CHD5: variants seen among roughly 807,000 people sequenced by gnomAD.
CHD5 encodes the protein ATP-dependent chromatin remodeler CHD5.
CHD5 carries 69 observed loss-of-function variants against 230.3 expected under a neutral mutation model. The observed-to-expected ratio is 0.30, with a 90% CI of 0.25 to 0.37. The LOEUF (loss-of-function observed/expected upper bound fraction) is 0.37, where lower values mean the gene tolerates loss of function less well. CHD5 is among the 10% of genes least tolerant of loss of function. The pLI is 1.00. For missense variants in CHD5, 1,827 were observed against 2,622.8 expected (o/e 0.70, Z 6.63); for synonymous variants, 1,064 against 1,065.9 (o/e 1.00, Z 0.03).
At chr1:6,161,787 G>GT (rs553586397) in intron 2 of CHD5, among the ~76,000 whole-genome samples, 2 of 152,334 alleles carry the variant, frequency 1.3e-5, no homozygotes, top group East Asian at 3.9e-4. Flanking sequence ...CCCAGCAAAG[G>GT]TAAGGACAAG....
At chr1:6,147,227 G>C (rs1391899392) in intron 9 of CHD5, among the ~76,000 whole-genome samples, 2 of 152,204 alleles carry the variant, frequency 1.3e-5, no homozygotes. Flanking sequence ...CAGAACATGA[G>C]ATTCTGGACT....
rs1011683490 is a variant in CHD5, at chr1:6,143,827, A to G, written c.2039T>C (p.Val680Ala). The part of the protein sequence containing the change: ...KQEKPPDTPI[V>A]DPTVKFDKQP... Reference sequence around the variant, plus strand: ...TGCCCCACCCTCCCCACTCACGTCCACAATGGGCGTGTCCGGCGGCTTCTC... The same window carrying G: ...TGCCCCACCCTCCCCACTCACGTCCGCAATGGGCGTGTCCGGCGGCTTCTC... The change falls in exon 13 of 42, where the codon GTG becomes GCG. Residue 680 changes from valine (V) to alanine (A), a missense_variant. Around this residue, in one of 14 missense-constraint regions of CHD5, gnomAD observed 657 missense variants for 816.4 expected, o/e 0.80. Transcript: ENST00000262450. 1 of 1,586,362 alleles carries G rather than the reference A, an allele frequency of 6.3e-7. No individual in the cohort carries two copies. Among genetic ancestry groups the G allele is most frequent in the Non-Finnish European group, 8.6e-7 (1 of 1,165,070 alleles).
At chr1:6,159,553 C>T (rs772624164) in intron 2 of CHD5, 38 bp from the exon 3 acceptor site, 2 of 1,559,288 alleles carry the variant, frequency 1.3e-6, no homozygotes, top group East Asian at 2.3e-5. Flanking sequence ...AACAGAGGCC[C>T]CAGGAACATC....
rs931723430 is a variant in CHD5, at chr1:6,154,481, G to A, written c.745+179C>T. Among the ~76,000 whole-genome samples the A allele has an allele frequency of 2.0e-5, 3 of 152,166 alleles. No individual in the cohort carries two copies. The highest frequency in any genetic ancestry group is 1.9e-4 in the East Asian group (1 of 5,180). ...GGGAGTCAGGCACAAAAGAGGCGAC[G>A]ATGCTGCCTCACTGCTGAGAAAGGA... On this transcript the variant is annotated intron_variant, in intron 5 of 41. Coordinates refer to ENST00000262450, the MANE Select transcript of CHD5 (RefSeq NM_015557.3). The surrounding 1 kb of genome is among the most constrained non-coding windows in gnomAD (Gnocchi z 7.0).
chr1:6,130,418 C>T lies in CHD5; in HGVS notation c.3263-90G>A, dbSNP rs1178195574. The stretch of plus-strand genomic sequence containing the variant: ...TGGGGGAGAGAACAGAGAGAAGGAA[C>T]TGCAGCAACAGATCCCTGGCAGAGA... On this transcript the variant is annotated intron_variant, in intron 21 of 41. Transcript: ENST00000262450. The surrounding 1 kb of genome is among the most constrained non-coding windows in gnomAD (Gnocchi z 4.9). 1 of 1,194,680 alleles carries T rather than the reference C, an allele frequency of 8.4e-7. No homozygotes were observed. The highest frequency in any genetic ancestry group is 1.2e-6 in the Non-Finnish European group (1 of 837,276). 74.0% of individuals were successfully genotyped at this position (1,194,680 alleles called of 1,614,324 possible).
In CHD5 at chr1:6,125,317, G is replaced by A; in HGVS notation, c.4261-84C>T. 5 of 1,421,350 alleles carry A rather than the reference G, an allele frequency of 3.5e-6. No homozygotes were observed. 88.0% of individuals were successfully genotyped at this position (1,421,350 alleles called of 1,614,324 possible). ...TTCTGGGATGGGGGAAGAAAAGCATGGGAGGAGGAGAAGGTAGGAAGGGGG... is the reference window on the plus strand; with the variant it reads ...TTCTGGGATGGGGGAAGAAAAGCATAGGAGGAGGAGAAGGTAGGAAGGGGG... On this transcript the variant is annotated intron_variant, in intron 28 of 41. Transcript: ENST00000262450. The surrounding 1 kb of genome is among the most constrained non-coding windows in gnomAD (Gnocchi z 6.7).
intron 2 of CHD5, among the ~76,000 whole-genome samples, chr1:6,165,084 G>A (rs982390141): frequency 1.3e-5 from 2 of 152,130 alleles, no homozygotes; most frequent in Non-Finnish European, 2.9e-5. Context: ...AGAAAGAAGC[G>A]GGAGGGAAGA....
intron 11 of CHD5, among the ~76,000 whole-genome samples, chr1:6,144,564 T>C (rs1047758369): frequency 6.6e-6 from 1 of 152,224 alleles, no homozygotes; most frequent in Admixed American, 6.5e-5. Context: ...AAAGGACTTG[T>C]GCAGTGCCCA....
chr1:6,145,892 C>T (rs574895163), intron 11 of CHD5, among the ~76,000 whole-genome samples: 10 of 152,226 alleles, frequency 6.6e-5, no homozygotes, highest in Non-Finnish European at 1.3e-4. Context: ...TCCCACACCT[C>T]GGGCGTCCCT....
Position 6,128,791 on chromosome 1 carries a change from C to T in CHD5, c.3619+47G>A, listed in dbSNP as rs780163095. 9.8e-6 allele frequency: 15 copies of T among 1,526,244 alleles called. No individual in the cohort carries two copies. Among genetic ancestry groups the T allele is most frequent in the Middle Eastern group, 1.7e-4 (1 of 5,792 alleles). 94.5% of individuals were successfully genotyped at this position (1,526,244 alleles called of 1,614,324 possible). On this transcript the variant is annotated intron_variant, in intron 23 of 41. Coordinates refer to ENST00000262450, the MANE Select transcript of CHD5 (RefSeq NM_015557.3). The surrounding 1 kb of genome is among the most constrained non-coding windows in gnomAD (Gnocchi z 7.8). ...GCAAGCCCTGGATGGGTGTCTCAGC[C>T]GGGCCACCCCAGTCCCCTGCCACGC...
rs1410918223 is a variant in CHD5, at chr1:6,121,511, G to T, written c.4762C>A (p.Gln1588Lys). ...EKDPGAQKPR[Q>K]PLEVQALPAA... ...TTCCACACCTGGACTTCCAGGGGCT[G>T]CCTTGGCTTCTGTGCCCCGGGGTCT... Residue 1588 changes from glutamine to lysine, a missense_variant, in exon 32 of 42, where the codon CAG (glutamine) becomes AAG (lysine). Physicochemically the swap from Gln to Lys is moderately conservative, Grantham distance 53 (BLOSUM62 1). Coordinates refer to ENST00000262450, the MANE Select transcript of CHD5 (RefSeq NM_015557.3). The surrounding 1 kb of genome is among the most constrained non-coding windows in gnomAD (Gnocchi z 4.5). 8.1e-6 allele frequency: 13 copies of T among 1,612,438 alleles called. No homozygotes were observed. Among genetic ancestry groups the T allele is most frequent in the Non-Finnish European group, 1.1e-5 (13 of 1,179,260 alleles).
Position 6,180,031 on chromosome 1 carries a change from G to A in CHD5, c.-8C>T, listed in dbSNP as rs1557569044. The stretch of plus-strand genomic sequence containing the variant: ...GCCCACTGGGCCCCGCATGCCCGGC[G>A]CGGGGAGGAGGGGAGGTGGGCGCCC... On this transcript the variant is annotated 5_prime_UTR_variant, in exon 1 of 42. Coordinates refer to ENST00000262450, the MANE Select transcript of CHD5 (RefSeq NM_015557.3). 4.6e-6 allele frequency: 6 copies of A among 1,318,372 alleles called. No homozygotes were observed. Among genetic ancestry groups the A allele is most frequent in the Non-Finnish European group, 2.0e-6 (2 of 1,018,490 alleles). The allele number at this position is 1,318,372 out of a possible 1,614,324, so 81.7% of individuals were successfully genotyped here.
At position 6,146,476 on chromosome 1, in the gene CHD5, G is replaced by C; in HGVS notation, c.1591-53C>G. On this transcript the variant is annotated intron_variant, in intron 10 of 41. Coordinates refer to ENST00000262450, the MANE Select transcript of CHD5 (RefSeq NM_015557.3). This position sits in a 1 kb window ranked among gnomAD's most constrained non-coding sequence, Gnocchi z 5.1. ...GAAGGGAGATGGGCCATGGTCCCCT[G>C]CATCTCCCTACCCAGCTCCTCTAGC... 1 of 1,542,976 alleles carries C rather than the reference G, an allele frequency of 6.5e-7. No homozygotes were observed. Among genetic ancestry groups the C allele is most frequent in the East Asian group, 2.3e-5 (1 of 44,398 alleles).
chr1:6,133,844 A>T (rs535760084), intron 20 of CHD5, among the ~76,000 whole-genome samples: 1 of 152,136 alleles, frequency 6.6e-6, no homozygotes, highest in Admixed American at 6.5e-5. Context: ...GCTGCGGGGG[A>T]GAGGGCCAGG....
At chr1:6,159,665 AC>A (rs1362237632) in intron 2 of CHD5, 150 bp from the exon 3 acceptor site, 1 of 686,360 alleles carries the variant, frequency 1.5e-6, no homozygotes, top group African/African-American at 1.8e-5. Flanking sequence ...GCCACTGCTC[AC>A]AGCTCAGCCC....
chr1:6,180,068 G>A lies in CHD5; in HGVS notation c.-45C>T, dbSNP rs556851118. ...GGAGGTGGGCGCCCCCCCTCCCGCC[G>A]GGCGCGGTGCCAGCCTTAACCCGTG... On this transcript the variant is annotated 5_prime_UTR_variant, in exon 1 of 42. Coordinates refer to ENST00000262450, the MANE Select transcript of CHD5 (RefSeq NM_015557.3). 1,488 of 1,118,492 alleles carry A rather than the reference G, an allele frequency of 1.3e-3. 20 individuals carry two copies. The African/African-American group carries it at 0.023, about 17-fold the overall frequency. 69.3% of individuals were successfully genotyped at this position (1,118,492 alleles called of 1,614,324 possible).
chr1:6,123,698 G>C lies in CHD5; in HGVS notation c.4699+250C>G, dbSNP rs534826598. ...CCGCCTCAGCCTCCTAAAGTGCTGT[G>C]ATTAACAGGTGTGAGCCACCGCGCC... On this transcript the variant is annotated intron_variant, in intron 31 of 41. Coordinates refer to ENST00000262450, the MANE Select transcript of CHD5 (RefSeq NM_015557.3). 1.0e-4 allele frequency among the ~76,000 whole-genome samples: 5 copies of C among 49,250 alleles called. No individual in the cohort carries two copies. The South Asian group carries it at 3.2e-3, about 31-fold the overall frequency. The allele number at this position is 49,250 out of a possible 152,430, so 32.3% of individuals were successfully genotyped here.
At position 6,124,477 on chromosome 1, in the gene CHD5, C is replaced by A. The variant is rs766760072; in HGVS notation, c.4539+40G>T. On this transcript the variant is annotated intron_variant, in intron 30 of 41. Coordinates refer to ENST00000262450, the MANE Select transcript of CHD5 (RefSeq NM_015557.3). ...CAAGGGACAGCACCAGGAGCCCAGGCAGCCACCAGGAAGGGCCCTACAGAG... is the reference window on the plus strand; with the variant it reads ...CAAGGGACAGCACCAGGAGCCCAGGAAGCCACCAGGAAGGGCCCTACAGAG... 2.5e-6 allele frequency: 4 copies of A among 1,611,412 alleles called. No homozygotes were observed. The South Asian group carries it at 4.4e-5, about 18-fold the overall frequency.
At chr1:6,127,515 C>T (rs565682747) in intron 25 of CHD5, among the ~76,000 whole-genome samples, 78 of 150,890 alleles carry the variant, frequency 5.2e-4, no homozygotes, top group African/African-American at 1.9e-3. Context: ...AATTGTGGGC[C>T]GTCCTGGAAC....
Sources: gnomAD v4.1 joint callset for allele counts (sites outside exome capture counted in the v4.1 genomes callset) on GRCh38, gnomAD v4.1.1 for gene constraint, gnomAD v4.1.1 regional missense constraint, Gnocchi (gnomAD v3.1) non-coding constraint, MANE v1.5 for transcripts, NCBI Gene and HGNC (gene_info 2026-07-23, HGNC 2026-07-21) for gene names.